CLEC16A: variants seen among roughly 807,000 people sequenced by gnomAD.
The protein encoded by CLEC16A is protein CLEC16A.
CLEC16A carries 51 observed loss-of-function variants against 109.5 expected under a neutral mutation model. The observed-to-expected ratio is 0.47, with a 90% CI of 0.37 to 0.59. The LOEUF (loss-of-function observed/expected upper bound fraction) is 0.59, where lower values mean the gene tolerates loss of function less well. CLEC16A is among the 20% of genes least tolerant of loss of function. The pLI is 0.00. For synonymous variants in CLEC16A, 673 were observed against 564.2 expected, an observed-to-expected ratio of 1.19 and a Z score of -2.73; for missense variants, 1,339 against 1,394.0, an observed-to-expected ratio of 0.96 and a Z score of 0.63.
intron 12 of CLEC16A, 149 bp downstream of exon 12, chr16:11,020,474 C>A: frequency 1.0e-6 from 1 of 1,004,342 alleles, no homozygotes; most frequent in Non-Finnish European, 1.4e-6. Context: ...CAGCTCTGGC[C>A]ACCCAGAAGC....
rs1363512249 is a variant in CLEC16A, at chr16:11,174,482, C to T, written c.2807-3853C>T. On this transcript the variant is annotated intron_variant, in intron 23 of 23. Transcript: ENST00000409790. This position sits in a 1 kb window ranked among gnomAD's most constrained non-coding sequence, Gnocchi z 4.7. ...TCACCTCATGTGAAGACCAGATCCCCGGCCCTTGACCTTCGCGACAGTCCT... is the reference window on the plus strand; with the variant it reads ...TCACCTCATGTGAAGACCAGATCCCTGGCCCTTGACCTTCGCGACAGTCCT... 2.0e-5 allele frequency among the ~76,000 whole-genome samples: 3 copies of T among 152,240 alleles called. No homozygotes were observed. Among genetic ancestry groups the T allele is most frequent in the Non-Finnish European group, 2.9e-5 (2 of 68,036 alleles).
chr16:11,021,224 A>G (rs979940611), intron 12 of CLEC16A, among the ~76,000 whole-genome samples: 3 of 152,214 alleles, frequency 2.0e-5, no homozygotes, highest in Middle Eastern at 3.2e-3. Context: ...TTGCTTGGCA[A>G]ATGTTTCAAT....
chr16:11,171,818 A>G (rs1432484557), intron 23 of CLEC16A, among the ~76,000 whole-genome samples: 1 of 152,206 alleles, frequency 6.6e-6, no homozygotes, highest in Admixed American at 6.5e-5. Context: ...ACAGCCACAC[A>G]TACAAATGTG....
chr16:11,079,735 T>C (rs2049594395), intron 19 of CLEC16A, among the ~76,000 whole-genome samples: 1 of 152,204 alleles, frequency 6.6e-6, no homozygotes, highest in Admixed American at 6.5e-5. Flanking sequence ...CCGGTTAACC[T>C]TTAGCCTTTA....
intron 3 of CLEC16A, among the ~76,000 whole-genome samples, chr16:10,965,694 C>T (rs774748718): frequency 1.2e-4 from 18 of 152,204 alleles, no homozygotes; most frequent in Admixed American, 6.5e-5. Flanking sequence ...ACTGAGATTA[C>T]GTACAGGCTC....
chr16:11,039,584 A>G (rs1185982029), intron 13 of CLEC16A, among the ~76,000 whole-genome samples, 170 bp from the exon 14 acceptor site: 1 of 152,168 alleles, frequency 6.6e-6, no homozygotes, highest in Admixed American at 6.5e-5. Context: ...AAACATGACA[A>G]AATCCTGTCT....
intron 11 of CLEC16A, among the ~76,000 whole-genome samples, chr16:11,016,330 G>A (rs1220422290): frequency 6.8e-6 from 1 of 147,640 alleles, no homozygotes; most frequent in Non-Finnish European, 1.5e-5. Flanking sequence ...CACCACGTTC[G>A]AACTCTTTTT....
chr16:11,075,426 G>A (rs111867993), intron 19 of CLEC16A, among the ~76,000 whole-genome samples: 3,595 of 141,580 alleles, frequency 0.025, 128 homozygotes, highest in African/African-American at 0.096. Flanking sequence ...GTGTGTGTGT[G>A]TATGTGTGTG....
intron 12 of CLEC16A, chr16:11,024,594 A>T: frequency 2.2e-6 from 1 of 456,838 alleles, no homozygotes; most frequent in Non-Finnish European, 4.0e-6. Flanking sequence ...TGTGTGACTA[A>T]GCAAGCAGTC....
chr16:11,016,335 C>CTTTTTTTTCT (rs1322903426), intron 11 of CLEC16A, among the ~76,000 whole-genome samples: 2 of 134,480 alleles, frequency 1.5e-5, no homozygotes, highest in East Asian at 2.1e-4. Flanking sequence ...CGTTCGAACT[C>CTTTTTTTTCT]TTTTTTTTCT....
chr16:11,095,977 A>G (rs2152974755), intron 19 of CLEC16A, among the ~76,000 whole-genome samples: 1 of 152,320 alleles, frequency 6.6e-6, no homozygotes, highest in Admixed American at 6.5e-5. Context: ...GGTGCACACC[A>G]TCACACCCAG....
intron 18 of CLEC16A, among the ~76,000 whole-genome samples, chr16:11,058,515 G>T (rs2048324341): frequency 6.8e-6 from 1 of 147,884 alleles, no homozygotes. Context: ...GTTGAGTACA[G>T]ATGCAACCCT....
Position 10,961,457 on chromosome 16 carries a change from A to G in CLEC16A, c.210-998A>G, listed in dbSNP as rs1033652037. ...CATTTCTTCCAAGTGTCCCAGATGC[A>G]AGATTATCTGGTGTTAGCTTGAGTA... On this transcript the variant is annotated intron_variant, in intron 2 of 23. Transcript: ENST00000409790. This position sits in a 1 kb window ranked among gnomAD's most constrained non-coding sequence, Gnocchi z 4.3. Among the ~76,000 whole-genome samples, 2 of 152,186 alleles carry G rather than the reference A, an allele frequency of 1.3e-5. No homozygotes were observed. The highest frequency in any genetic ancestry group is 4.8e-5 in the African/African-American group (2 of 41,446).
At chr16:10,964,221 C>T (rs1002793610) in intron 3 of CLEC16A, among the ~76,000 whole-genome samples, 2 of 152,368 alleles carry the variant, frequency 1.3e-5, no homozygotes, top group East Asian at 1.9e-4. Flanking sequence ...GCCTCAGAGA[C>T]GCCTTATGCT....
chr16:11,128,384 G>A (rs138263916), intron 22 of CLEC16A, among the ~76,000 whole-genome samples: 1 of 152,330 alleles, frequency 6.6e-6, no homozygotes, highest in African/African-American at 2.4e-5. Context: ...TGCCTGCCGG[G>A]GTGGTTGGCA....
intron 19 of CLEC16A, among the ~76,000 whole-genome samples, chr16:11,064,245 C>T (rs182563704): frequency 7.5e-4 from 114 of 152,338 alleles, no homozygotes; most frequent in Admixed American, 3.9e-3. Context: ...TTGTATTGTT[C>T]CTTTTAATGG....
At chr16:11,049,872 G>T (rs980188711) in intron 17 of CLEC16A, among the ~76,000 whole-genome samples, 1 of 152,250 alleles carries the variant, frequency 6.6e-6, no homozygotes, top group East Asian at 1.9e-4. Flanking sequence ...CCCCTGCGGG[G>T]TTAGAGGATT....
chr16:10,965,687 G>C (rs2042467312), intron 3 of CLEC16A, among the ~76,000 whole-genome samples: 1 of 152,218 alleles, frequency 6.6e-6, no homozygotes, highest in East Asian at 1.9e-4. Context: ...CCGAGAGACT[G>C]AGATTACGTA....
intron 6 of CLEC16A, 110 bp from the exon 7 acceptor site, chr16:10,972,828 G>A (rs2042857004): frequency 8.8e-7 from 1 of 1,135,366 alleles, no homozygotes; most frequent in Non-Finnish European, 1.2e-6. Context: ...TATAGCAGAG[G>A]GCTTTTTCAT....
Sources: allele counts gnomAD v4.1 joint callset (sites outside exome capture counted in the v4.1 genomes callset), GRCh38; gene constraint gnomAD v4.1.1; non-coding constraint Gnocchi (gnomAD v3.1); transcripts MANE v1.5; gene names NCBI Gene and HGNC (gene_info 2026-07-23, HGNC 2026-07-21).